The following SCD5 variants were observed in gnomAD, a reference collection of about 807,000 sequenced individuals.
SCD5 encodes acyl-CoA-desaturase 4.
In SCD5, 20 loss-of-function variants were observed where a neutral mutation model predicts 30.4. That is an observed-to-expected ratio of 0.66 (90% CI 0.46 to 0.96). The LOEUF is 0.96. SCD5 is among the 40% of genes least tolerant of loss of function. The pLI is 0.00. For synonymous variants in SCD5, 173 were observed against 176.4 expected (o/e 0.98, Z 0.16); for missense variants, 381 against 443.3 (o/e 0.86, Z 1.26).
At chr4:82,683,970 A>G (rs1047431287) in intron 2 of SCD5, among the ~76,000 whole-genome samples, 2 of 152,232 alleles carry the variant, frequency 1.3e-5, no homozygotes, top group African/African-American at 4.8e-5. Flanking sequence ...GCAATGTGAT[A>G]ATGAACTAAT....
chr4:82,711,696 A>G (rs1196041665), intron 1 of SCD5, among the ~76,000 whole-genome samples: 1 of 131,606 alleles, frequency 7.6e-6, no homozygotes, highest in Non-Finnish European at 1.6e-5. Context: ...ATAAAGTAAG[A>G]CCTTGTCTTA....
At chr4:82,651,296 A>G (rs1727745949) in intron 3 of SCD5, among the ~76,000 whole-genome samples, 1 of 152,234 alleles carries the variant, frequency 6.6e-6, no homozygotes, top group African/African-American at 2.4e-5. Flanking sequence ...TATAAGAAAG[A>G]AAGAAATAAT....
intron 1 of SCD5, among the ~76,000 whole-genome samples, chr4:82,794,557 G>A (rs1722168468): frequency 6.6e-6 from 1 of 151,986 alleles, no homozygotes; most frequent in African/African-American, 2.4e-5. Context: ...TTGACTAACT[G>A]TCCCTTTGGC....
In SCD5 at chr4:82,630,861, C is replaced by A. The variant is rs1343866195; in HGVS notation, c.*466G>T. 1 of 152,104 alleles carries A rather than the reference C, an allele frequency of 6.6e-6. No homozygotes were observed. The highest frequency in any genetic ancestry group is 1.5e-5 in the Non-Finnish European group (1 of 68,334). The allele number at this position is 152,104 out of a possible 1,614,324, so 9.4% of individuals were successfully genotyped here. A position where few individuals can be genotyped will look rare whatever the true frequency, so the allele number is the denominator to read the frequency against. ...CGGTGGCTCACGCCTGTAATCCCAG[C>A]TCTTTGGGAGGCCGAGGCGGGTGGA... On this transcript the variant is annotated 3_prime_UTR_variant, in exon 5 of 5. Coordinates refer to ENST00000319540, the MANE Select transcript of SCD5 (RefSeq NM_001037582.3).
intron 1 of SCD5, among the ~76,000 whole-genome samples, chr4:82,797,719 A>G (rs1722255668): frequency 6.6e-6 from 1 of 151,728 alleles, no homozygotes; most frequent in African/African-American, 2.4e-5. Context: ...CGGAGGGGGC[A>G]GGGACAGGGG....
chr4:82,659,465 T>C (rs1454593394), intron 3 of SCD5, among the ~76,000 whole-genome samples: 1 of 152,206 alleles, frequency 6.6e-6, no homozygotes, highest in Non-Finnish European at 1.5e-5. Flanking sequence ...CCTGTGGACA[T>C]TTAGTGCTAT....
chr4:82,798,225 G>C, intron 1 of SCD5, 81 bp downstream of exon 1: 1 of 1,215,016 alleles, frequency 8.2e-7, no homozygotes, highest in Non-Finnish European at 1.0e-6. Context: ...GCCCGCAGCC[G>C]AGGGGCGAGC....
intron 1 of SCD5, among the ~76,000 whole-genome samples, chr4:82,775,302 C>T (rs1721721516): frequency 6.6e-6 from 1 of 152,188 alleles, no homozygotes; most frequent in East Asian, 1.9e-4. Context: ...CTGAGCAGGG[C>T]TGGAGCTATG....
At chr4:82,693,622 A>T (rs1314161358) in intron 2 of SCD5, among the ~76,000 whole-genome samples, 1 of 152,170 alleles carries the variant, frequency 6.6e-6, no homozygotes, top group Non-Finnish European at 1.5e-5. Flanking sequence ...CCTCATTATT[A>T]TGTTCTAAAG....
At chr4:82,671,738 C>T (rs1024707982) in intron 3 of SCD5, among the ~76,000 whole-genome samples, 3 of 152,058 alleles carry the variant, frequency 2.0e-5, no homozygotes, top group Non-Finnish European at 4.4e-5. Context: ...GTGAGCCATG[C>T]GTGGTGGTGT....
At chr4:82,790,752 A>AT (rs1722083075) in intron 1 of SCD5, among the ~76,000 whole-genome samples, 1 of 152,170 alleles carries the variant, frequency 6.6e-6, no homozygotes, top group African/African-American at 2.4e-5. Context: ...GAAACTGAAT[A>AT]ATGGTTCTCA....
At chr4:82,666,877 A>G (rs1728201156) in intron 3 of SCD5, among the ~76,000 whole-genome samples, 1 of 152,220 alleles carries the variant, frequency 6.6e-6, no homozygotes, top group African/African-American at 2.4e-5. Flanking sequence ...TCTACATGAC[A>G]GAGTTATCGA....
intron 4 of SCD5, among the ~76,000 whole-genome samples, chr4:82,631,748 T>G (rs890149087): frequency 6.6e-6 from 1 of 152,240 alleles, no homozygotes; most frequent in Non-Finnish European, 1.5e-5. Flanking sequence ...CTATGTGAAC[T>G]GCAGACATGA....
intron 1 of SCD5, among the ~76,000 whole-genome samples, chr4:82,774,936 C>T (rs1721715153): frequency 6.6e-6 from 1 of 152,140 alleles, no homozygotes. Flanking sequence ...TCCTGCCCTG[C>T]CTGACTGCCC....
chr4:82,680,563 A>G, intron 3 of SCD5, 144 bp downstream of exon 3: 3 of 716,978 alleles, frequency 4.2e-6, no homozygotes, highest in Non-Finnish European at 6.8e-6. Context: ...GAAATTAATA[A>G]ATAGAGATAA....
intron 3 of SCD5, among the ~76,000 whole-genome samples, chr4:82,671,056 C>T (rs1375573560): frequency 6.6e-6 from 1 of 151,982 alleles, no homozygotes; most frequent in East Asian, 1.9e-4. Flanking sequence ...AAAGATATAC[C>T]ATTCTTATAA....
chr4:82,780,538 A>T (rs1721845052), intron 1 of SCD5, among the ~76,000 whole-genome samples: 1 of 152,226 alleles, frequency 6.6e-6, no homozygotes, highest in Admixed American at 6.5e-5. Flanking sequence ...AGCACATCCC[A>T]AAAAGGGCTC....
In SCD5 at chr4:82,798,344, A is replaced by C. The variant is rs1722274802; in HGVS notation, c.194T>G (p.Val65Gly). The C allele has an allele frequency of 6.2e-7, 1 of 1,612,970 alleles. No homozygotes were observed. Among genetic ancestry groups the C allele is most frequent in the African/African-American group, 1.3e-5 (1 of 74,940 alleles). Residue 65 changes from valine to glycine, a missense_variant, in exon 1 of 5, where the codon GTG (valine) becomes GGG (glycine). Transcript: ENST00000319540. ...GAGTGGCTTGGCTTTGGGGATGAGCACCAGGGAGTACACGGCCCCCAAGTG... is the reference window on the plus strand; with the variant it reads ...GAGTGGCTTGGCTTTGGGGATGAGCCCCAGGGAGTACACGGCCCCCAAGTG... ...LLHLGAVYSL[V>G]LIPKAKPLTL...
At chr4:82,737,634 C>T (rs1258681710) in intron 1 of SCD5, among the ~76,000 whole-genome samples, 1 of 152,120 alleles carries the variant, frequency 6.6e-6, no homozygotes, top group African/African-American at 2.4e-5. Context: ...GTCAAATATA[C>T]CCAGCAATTA....
Sources: allele counts gnomAD v4.1 joint callset (sites outside exome capture counted in the v4.1 genomes callset), GRCh38; gene constraint gnomAD v4.1.1; transcripts MANE v1.5; gene names NCBI Gene and HGNC (gene_info 2026-07-23, HGNC 2026-07-21).